Variants in NEU3 observed in about 807,000 individuals in gnomAD.
NEU3 encodes sialidase-3.
In NEU3, 10 loss-of-function variants were observed where a neutral mutation model predicts 11.4. The ratio of observed to expected loss-of-function variants is 0.88; its 90% confidence interval spans 0.54 to 1.49. NEU3 has a LOEUF of 1.49. Ranked by LOEUF, NEU3 falls within the 40% of genes most tolerant of loss-of-function variation. The pLI is 0.00. For missense variants in NEU3, 529 were observed against 581.8 expected (o/e 0.91, Z 0.93); for synonymous variants, 212 against 228.2 (o/e 0.93, Z 0.64).
In NEU3 at chr11:75,009,577, A is replaced by G. The variant is rs1948935051; in HGVS notation, c.*3085A>G. The G allele has an allele frequency of 6.6e-6, 1 of 152,394 alleles. No homozygotes were observed. The highest frequency in any genetic ancestry group is 6.5e-5 in the Admixed American group (1 of 15,280). 9.4% of individuals were successfully genotyped at this position (152,394 alleles called of 1,614,324 possible). ...GCAGCTGTGAAGAAAAGAGGAAAGC[A>G]GAAGGGTGGCCTATAATCTACAGGC... is the stretch of plus-strand genomic sequence containing the variant. On this transcript the variant is annotated 3_prime_UTR_variant, in exon 3 of 3. Transcript: ENST00000294064.
At chr11:75,012,632 C>A (rs1318981866), downstream of NEU3, among the ~76,000 whole-genome samples, 1 of 152,176 alleles carries the variant, frequency 6.6e-6, no homozygotes, top group Non-Finnish European at 1.5e-5. Flanking sequence ...CAGAAGACAG[C>A]TTTAGCGACT....
chr11:75,011,735 A>T (rs368604541), downstream of NEU3, among the ~76,000 whole-genome samples: 2 of 50,468 alleles, frequency 4.0e-5, no homozygotes, highest in Non-Finnish European at 1.4e-4. Context: ...GCTTGCAACC[A>T]AAAGAATTTA....
intron 3 of NEU3, among the ~76,000 whole-genome samples, chr11:75,016,949 G>A (rs112517023): frequency 6.7e-4 from 102 of 152,170 alleles, no homozygotes; most frequent in African/African-American, 2.3e-3. Context: ...CTGTGTCAAT[G>A]GCTGTAAGGA....
upstream of NEU3, among the ~76,000 whole-genome samples, chr11:74,984,156 G>A (rs574165289): frequency 2.7e-4 from 41 of 152,314 alleles, no homozygotes; most frequent in East Asian, 5.8e-4. Context: ...GGTGCATATC[G>A]TTGGGAGACA....
chr11:75,000,591 C>A (rs1397895979), intron 2 of NEU3, among the ~76,000 whole-genome samples: 1 of 151,520 alleles, frequency 6.6e-6, no homozygotes, highest in Admixed American at 6.6e-5. Flanking sequence ...AATAATATAT[C>A]ATTGTATGTA....
chr11:75,001,626 C>G (rs1381543079), intron 2 of NEU3, among the ~76,000 whole-genome samples: 1 of 152,178 alleles, frequency 6.6e-6, no homozygotes, highest in African/African-American at 2.4e-5. Flanking sequence ...AATTTTTAAG[C>G]CACAACCTGT....
intron 2 of NEU3, among the ~76,000 whole-genome samples, chr11:74,995,351 G>C (rs144933791): frequency 6.6e-6 from 1 of 152,208 alleles, no homozygotes; most frequent in Non-Finnish European, 1.5e-5. Context: ...TTGGTCACGC[G>C]TCTAATAAGT....
intron 1 of NEU3, 49 bp from the exon 2 acceptor site, chr11:74,994,460 G>T (rs766673480): frequency 7.0e-7 from 1 of 1,435,942 alleles, no homozygotes; most frequent in South Asian, 1.4e-5. Flanking sequence ...TTATATGCAG[G>T]CCAGCATCTG....
At chr11:74,988,233 A>C (rs2140229422), upstream of NEU3, 1 of 152,328 alleles carries the variant, frequency 6.6e-6, no homozygotes, top group East Asian at 1.9e-4. Context: ...GCAGTGGTGC[A>C]ATCACAGCTC....
chr11:74,989,038 G>A lies in NEU3; in HGVS notation c.-23G>A, dbSNP rs887640716. On this transcript the variant is annotated 5_prime_UTR_variant, in exon 1 of 3. In the 5' UTR this introduces an upstream ATG that the reference lacks. Transcript: ENST00000294064. ...CTCAGTCTCCCCAGCCTTGGGGCCG[G>A]TGCCTCTTCCGGGCTTCGGCGAATG... 7.8e-6 allele frequency: 12 copies of A among 1,539,330 alleles called. No individual in the cohort carries two copies. The highest frequency in any genetic ancestry group is 9.7e-6 in the Non-Finnish European group (11 of 1,137,844).
At chr11:75,017,793 G>A (rs1024394304) in intron 3 of NEU3, among the ~76,000 whole-genome samples, 6 of 152,114 alleles carry the variant, frequency 3.9e-5, no homozygotes, top group African/African-American at 7.2e-5. Context: ...GACCACTCTC[G>A]AAAAAGACCT....
intron 2 of NEU3, chr11:75,004,554 A>G: frequency 2.2e-6 from 1 of 447,264 alleles, no homozygotes; most frequent in East Asian, 3.5e-5. Context: ...TTTTGAAAAT[A>G]TGTTAGGGAG....
intron 3 of NEU3, among the ~76,000 whole-genome samples, chr11:75,017,471 A>G (rs1948985074): frequency 6.6e-6 from 1 of 152,208 alleles, no homozygotes; most frequent in South Asian, 2.1e-4. Context: ...AAATCCAGCC[A>G]AGAGTGGAGC....
At chr11:74,985,878 T>TA (rs1948663335), upstream of NEU3, among the ~76,000 whole-genome samples, 1 of 152,176 alleles carries the variant, frequency 6.6e-6, no homozygotes, top group South Asian at 2.1e-4. Flanking sequence ...TAGCACATAA[T>TA]AAAGACTCCT....
chr11:74,996,889 A>G (rs1212177006), intron 2 of NEU3, among the ~76,000 whole-genome samples: 2 of 152,234 alleles, frequency 1.3e-5, no homozygotes, highest in Non-Finnish European at 2.9e-5. Context: ...TACGTTGTCA[A>G]TGACCAGTAA....
intron 2 of NEU3, chr11:75,004,236 G>A: frequency 1.6e-6 from 1 of 636,844 alleles, no homozygotes; most frequent in African/African-American, 1.9e-5. Context: ...CAAGCTTTAT[G>A]ATTTTGCTAA....
chr11:74,982,871 T>G, the NEU3 span, among the ~76,000 whole-genome samples: 1 of 152,140 alleles, frequency 6.6e-6, no homozygotes, highest in Non-Finnish European at 1.5e-5. Flanking sequence ...AACTGTCTCC[T>G]GCAGGCTAGC....
chr11:74,990,214 C>G (rs1223599085), intron 1 of NEU3: 5 of 523,492 alleles, frequency 9.6e-6, no homozygotes, highest in Non-Finnish European at 1.7e-5. Flanking sequence ...TATTATTATC[C>G]ATAGTTTACA....
At chr11:74,983,849 G>T (rs1948652402), upstream of NEU3, among the ~76,000 whole-genome samples, 4 of 152,186 alleles carry the variant, frequency 2.6e-5, no homozygotes, top group Non-Finnish European at 5.9e-5. Context: ...ACCGAGTACA[G>T]GGTCAATACA....
Sources: gnomAD v4.1 joint callset for allele counts (sites outside exome capture counted in the v4.1 genomes callset) on GRCh38, gnomAD v4.1.1 for gene constraint, MANE v1.5 for transcripts, NCBI Gene and HGNC (gene_info 2026-07-23, HGNC 2026-07-21) for gene names.